The following SYTL2 variants were observed in gnomAD, a reference collection of about 807,000 sequenced individuals.
SYTL2 encodes synaptotagmin-like protein 2.
A neutral mutation model predicts 198.7 loss-of-function variants in SYTL2; 165 were observed. The ratio of observed to expected loss-of-function variants is 0.83; its 90% CI spans 0.73 to 0.94. The LOEUF is 0.94. SYTL2 is among the 40% of genes least tolerant of loss of function. The pLI is 0.00. For synonymous variants in SYTL2, 966 were observed against 917.7 expected (o/e 1.05, Z -0.95); for missense variants, 2,835 against 2,582.8 (o/e 1.10, Z -2.12).
chr11:85,724,460 T>TGC lies in SYTL2; in HGVS notation c.4897_4898insGC (p.Asn1633SerfsTer14), dbSNP rs764689152. The TGC allele has an allele frequency of 2.5e-6, 4 of 1,612,966 alleles. No homozygotes were observed. In the South Asian group the frequency reaches 3.3e-5, roughly 13 times the overall value. On this transcript the variant is annotated frameshift_variant, in exon 8 of 20. Transcript: ENST00000359152. LOFTEE classifies it high-confidence loss of function. ...TCCTCCCAACATTTTATCACATTGG[T>TGC]TGACTTGAGATTCCAAACCATTACT...
At chr11:85,760,950 G>C (rs2092078954) in intron 1 of SYTL2, among the ~76,000 whole-genome samples, 1 of 152,198 alleles carries the variant, frequency 6.6e-6, no homozygotes. Flanking sequence ...GGGCAATCAA[G>C]ATTCTGCAGT....
At chr11:85,829,517 G>A in the SYTL2 span, among the ~76,000 whole-genome samples, 1 of 152,170 alleles carries the variant, frequency 6.6e-6, no homozygotes, top group Non-Finnish European at 1.5e-5. Context: ...GAGCATACAA[G>A]TTCACATGTC....
intron 2 of SYTL2, among the ~76,000 whole-genome samples, chr11:85,752,941 A>AAC (rs1782008216): frequency 6.9e-6 from 1 of 144,644 alleles, no homozygotes; most frequent in Admixed American, 6.9e-5. Flanking sequence ...AAAAAAAAAA[A>AAC]AAAAAAAAAA....
the SYTL2 span, among the ~76,000 whole-genome samples, chr11:85,826,578 G>C: frequency 1.3e-5 from 2 of 152,244 alleles, no homozygotes; most frequent in African/African-American, 4.8e-5. Flanking sequence ...AGGCTGTGCT[G>C]GTCTAGGGAG....
intron 1 of SYTL2, among the ~76,000 whole-genome samples, chr11:85,804,741 G>A (rs1457665629): frequency 2.6e-5 from 4 of 152,122 alleles, no homozygotes; most frequent in Non-Finnish European, 5.9e-5. Context: ...ACCAGATCAG[G>A]TAAAATACCT....
chr11:85,792,010 A>G (rs1015411334), intron 1 of SYTL2, among the ~76,000 whole-genome samples: 3 of 152,112 alleles, frequency 2.0e-5, no homozygotes, highest in Non-Finnish European at 4.4e-5. Flanking sequence ...TAGAAAGTAT[A>G]TAACTGGCGA....
At chr11:85,788,786 G>A (rs74916907) in intron 1 of SYTL2, among the ~76,000 whole-genome samples, 1 of 149,492 alleles carries the variant, frequency 6.7e-6, no homozygotes, top group African/African-American at 2.5e-5. Flanking sequence ...AAAAAAAAAA[G>A]AAAGGAAATG....
At chr11:85,840,078 A>G in the SYTL2 span, among the ~76,000 whole-genome samples, 1 of 152,078 alleles carries the variant, frequency 6.6e-6, no homozygotes, top group Non-Finnish European at 1.5e-5. Flanking sequence ...TGCCATTTGT[A>G]TGTCTTCTTT....
chr11:85,723,616 T>C (rs2088674961), intron 8 of SYTL2, among the ~76,000 whole-genome samples: 1 of 152,172 alleles, frequency 6.6e-6, no homozygotes, highest in Admixed American at 6.5e-5. Context: ...CTAGCTTAAA[T>C]GTATTAAAGG....
intron 1 of SYTL2, among the ~76,000 whole-genome samples, chr11:85,805,791 T>C (rs1439697754): frequency 6.6e-6 from 1 of 152,164 alleles, no homozygotes; most frequent in Non-Finnish European, 1.5e-5. Context: ...GGCAAATACG[T>C]GGAATTGTTT....
intron 2 of SYTL2, among the ~76,000 whole-genome samples, chr11:85,755,530 C>G (rs2091812473): frequency 1.3e-5 from 2 of 152,160 alleles, no homozygotes; most frequent in South Asian, 4.1e-4. Flanking sequence ...GGAGTGTCTG[C>G]AACACCAACA....
intron 3 of SYTL2, among the ~76,000 whole-genome samples, chr11:85,748,038 T>C: frequency 6.6e-6 from 1 of 152,132 alleles, no homozygotes; most frequent in African/African-American, 2.4e-5. Context: ...CTACTATAAT[T>C]CAACAGGGCA....
intron 3 of SYTL2, among the ~76,000 whole-genome samples, chr11:85,745,998 A>T (rs1036140496): frequency 3.3e-5 from 5 of 152,170 alleles, no homozygotes; most frequent in Non-Finnish European, 5.9e-5. Flanking sequence ...GAGAATGAGC[A>T]TACCTTTAAA....
chr11:85,846,563 G>A, the SYTL2 span, among the ~76,000 whole-genome samples: 1 of 151,930 alleles, frequency 6.6e-6, no homozygotes, highest in Admixed American at 6.6e-5. Context: ...AAGTAGCTGG[G>A]ATTACAGGTG....
At chr11:85,829,090 C>A in the SYTL2 span, among the ~76,000 whole-genome samples, 35 of 150,334 alleles carry the variant, frequency 2.3e-4, no homozygotes, top group Admixed American at 1.5e-3. Flanking sequence ...ATAGTTTCAA[C>A]TTTTATTATA....
chr11:85,851,267 G>A, the SYTL2 span, among the ~76,000 whole-genome samples: 1 of 152,168 alleles, frequency 6.6e-6, no homozygotes, highest in African/African-American at 2.4e-5. Flanking sequence ...CAAAGTTATT[G>A]GACAGGAAGT....
the SYTL2 span, among the ~76,000 whole-genome samples, chr11:85,829,991 T>C: frequency 0.26 from 39,486 of 152,120 alleles, 5,154 homozygotes; most frequent in Admixed American, 0.33. Flanking sequence ...AATTGGTCCA[T>C]ATTCACATCC....
chr11:85,709,831 C>T (rs770699106), intron 13 of SYTL2, among the ~76,000 whole-genome samples: 22 of 152,158 alleles, frequency 1.4e-4, no homozygotes, highest in Non-Finnish European at 2.2e-4. Flanking sequence ...TACAGGCGCA[C>T]GCCACCATGC....
chr11:85,854,458 G>A, the SYTL2 span: 1 of 152,092 alleles, frequency 6.6e-6, no homozygotes, highest in African/African-American at 2.4e-5. Context: ...AAAAAGCGAA[G>A]AGTGGGAAAT....
Sources: gnomAD v4.1 joint callset for allele counts (sites outside exome capture counted in the v4.1 genomes callset) on GRCh38, gnomAD v4.1.1 for gene constraint, MANE v1.5 for transcripts, NCBI Gene and HGNC (gene_info 2026-07-23, HGNC 2026-07-21) for gene names.